The following NPAS3 variants were observed in gnomAD, a reference collection of about 807,000 sequenced individuals.
NPAS3 encodes neuronal PAS domain-containing protein 3.
NPAS3 carries 14 observed loss-of-function variants against 73.1 expected under a neutral mutation model. The observed-to-expected ratio is 0.19, with a 90% CI of 0.13 to 0.30. The LOEUF is 0.30. Among genes scored for constraint, NPAS3 ranks in the 10% least tolerant of loss-of-function variants. The pLI, the probability that NPAS3 is intolerant of heterozygous loss-of-function variation, is 1.00. For synonymous variants in NPAS3, 620 were observed against 541.5 expected (o/e 1.14, Z -2.01); for missense variants, 1,096 against 1,250.0 (o/e 0.88, Z 1.86).
intron 2 of NPAS3, among the ~76,000 whole-genome samples, chr14:33,077,967 G>C (rs1417519116): frequency 6.6e-6 from 1 of 151,376 alleles, no homozygotes; most frequent in Admixed American, 6.6e-5. Flanking sequence ...GTGAAACCCC[G>C]TCTCTACTAA....
intron 1 of NPAS3, among the ~76,000 whole-genome samples, chr14:33,045,034 G>A (rs2040458849): frequency 6.6e-6 from 1 of 152,116 alleles, no homozygotes; most frequent in Admixed American, 6.6e-5. Flanking sequence ...CTTTGACACA[G>A]CTTGAGGGAA....
At chr14:33,478,667 G>A (rs74380069) in intron 4 of NPAS3, among the ~76,000 whole-genome samples, 4,206 of 152,234 alleles carry the variant, frequency 0.028, 177 homozygotes, top group African/African-American at 0.095. Context: ...AGAAAGTTGC[G>A]TTTGGGCAAA....
chr14:33,335,236 A>T (rs1207867288), intron 3 of NPAS3, among the ~76,000 whole-genome samples: 1 of 152,122 alleles, frequency 6.6e-6, no homozygotes, highest in Non-Finnish European at 1.5e-5. Context: ...AGAGTCCTTA[A>T]AGAACTAAAA....
At chr14:33,177,651 A>G (rs1388233339) in intron 2 of NPAS3, among the ~76,000 whole-genome samples, 1 of 151,324 alleles carries the variant, frequency 6.6e-6, no homozygotes, top group Non-Finnish European at 1.5e-5. Context: ...TAGTTTTAGC[A>G]TTGATCCATT....
intron 3 of NPAS3, among the ~76,000 whole-genome samples, chr14:33,337,800 T>A (rs61972738): frequency 0.11 from 16,610 of 152,078 alleles, 983 homozygotes; most frequent in Non-Finnish European, 0.14. Flanking sequence ...CTTGTACTTT[T>A]GTTTGCTAAA....
intron 7 of NPAS3, among the ~76,000 whole-genome samples, chr14:33,765,133 T>C (rs1220407219): frequency 6.6e-6 from 1 of 152,212 alleles, no homozygotes; most frequent in Non-Finnish European, 1.5e-5. Flanking sequence ...ATTATAGTTA[T>C]ATTTTTTATG....
intron 1 of NPAS3, among the ~76,000 whole-genome samples, chr14:32,982,071 G>A (rs910488064): frequency 4.6e-5 from 7 of 152,236 alleles, no homozygotes; most frequent in Non-Finnish European, 7.4e-5. Flanking sequence ...CCACAGACTG[G>A]GTAATCTATA....
chr14:33,310,806 C>CACAA (rs1478982383), intron 3 of NPAS3, among the ~76,000 whole-genome samples: 1 of 140,808 alleles, frequency 7.1e-6, no homozygotes, highest in Non-Finnish European at 1.5e-5. Flanking sequence ...CACACACACA[C>CACAA]ACACACACAC....
intron 1 of NPAS3, among the ~76,000 whole-genome samples, chr14:33,010,052 A>G (rs1175789440): frequency 1.3e-5 from 2 of 152,248 alleles, no homozygotes; most frequent in African/African-American, 2.4e-5. Flanking sequence ...GAGATAATGC[A>G]TGGAACAGTG....
intron 3 of NPAS3, among the ~76,000 whole-genome samples, chr14:33,280,095 GGA>G (rs977864920): frequency 2.0e-5 from 3 of 152,116 alleles, no homozygotes; most frequent in Non-Finnish European, 4.4e-5. Flanking sequence ...GAGTTCTGGC[GGA>G]GAGTCTCAGC....
intron 6 of NPAS3, among the ~76,000 whole-genome samples, chr14:33,687,459 T>C (rs569566042): frequency 6.6e-6 from 1 of 152,310 alleles, no homozygotes; most frequent in East Asian, 1.9e-4. Context: ...ATAAAACTCA[T>C]GTCAACAGAA....
chr14:33,486,993 T>TA (rs1478690490), intron 4 of NPAS3, among the ~76,000 whole-genome samples: 1 of 152,128 alleles, frequency 6.6e-6, no homozygotes, highest in Non-Finnish European at 1.5e-5. Context: ...ATTCCAGTGG[T>TA]TAAATTTGAC....
intron 6 of NPAS3, among the ~76,000 whole-genome samples, chr14:33,678,563 T>C (rs2059836658): frequency 6.6e-6 from 1 of 152,114 alleles, no homozygotes; most frequent in Non-Finnish European, 1.5e-5. Flanking sequence ...GTGAAGAGAA[T>C]AGCACAGCCC....
At chr14:33,120,433 C>G (rs1471744448) in intron 2 of NPAS3, among the ~76,000 whole-genome samples, 2 of 152,104 alleles carry the variant, frequency 1.3e-5, no homozygotes, top group African/African-American at 4.8e-5. Flanking sequence ...ATAGTCTGTT[C>G]TCATTCACTG....
At chr14:33,674,615 T>C (rs1370541868) in intron 5 of NPAS3, among the ~76,000 whole-genome samples, 2 of 152,224 alleles carry the variant, frequency 1.3e-5, no homozygotes, top group Non-Finnish European at 2.9e-5. Flanking sequence ...ATTTACGCTC[T>C]GTAGCAATAA....
At chr14:33,299,553 G>C (rs2042441600) in intron 3 of NPAS3, among the ~76,000 whole-genome samples, 1 of 151,784 alleles carries the variant, frequency 6.6e-6, no homozygotes, top group Non-Finnish European at 1.5e-5. Flanking sequence ...GACAGAATTT[G>C]AACCCTGCAT....
At chr14:32,942,690 G>T (rs1366073957) in intron 1 of NPAS3, among the ~76,000 whole-genome samples, 3 of 152,168 alleles carry the variant, frequency 2.0e-5, no homozygotes, top group African/African-American at 4.8e-5. Context: ...AAAAAGTAAA[G>T]GTGGTGGAGA....
chr14:33,062,695 G>A (rs769375127), intron 2 of NPAS3, among the ~76,000 whole-genome samples: 13 of 152,246 alleles, frequency 8.5e-5, no homozygotes, highest in Non-Finnish European at 1.9e-4. Flanking sequence ...AAGATGAGAG[G>A]TGTAGCACCA....
chr14:33,783,065 T>G (rs937262960), intron 9 of NPAS3, among the ~76,000 whole-genome samples: 6 of 152,240 alleles, frequency 3.9e-5, no homozygotes, highest in African/African-American at 1.4e-4. Context: ...CCTTCCCAGC[T>G]CATTTTTTTC....
Sources: allele counts gnomAD v4.1 joint callset (sites outside exome capture counted in the v4.1 genomes callset), GRCh38; gene constraint gnomAD v4.1.1; transcripts MANE v1.5; gene names NCBI Gene and HGNC (gene_info 2026-07-23, HGNC 2026-07-21).